LRP1B: variants seen among roughly 807,000 people sequenced by gnomAD.
LRP1B encodes the protein LDL receptor related protein 1B.
In LRP1B, 217 loss-of-function variants were observed where a neutral mutation model predicts 556.6. That is an observed-to-expected ratio of 0.39 (90% CI 0.35 to 0.44). The LOEUF (loss-of-function observed/expected upper bound fraction) is 0.44. Among genes scored for constraint, LRP1B ranks in the 20% least tolerant of loss-of-function variants. The pLI is 1.00. For missense variants in LRP1B, 5,053 were observed against 5,620.8 expected (o/e 0.90, Z 3.23); for synonymous variants, 2,047 against 1,865.8 (o/e 1.10, Z -2.50).
At chr2:141,698,888 T>C (rs1447298188) in intron 2 of LRP1B, among the ~76,000 whole-genome samples, 1 of 151,868 alleles carries the variant, frequency 6.6e-6, no homozygotes, top group Non-Finnish European at 1.5e-5. Context: ...CTGGGCTCAA[T>C]ATGTTGTAGT....
chr2:141,645,705 A>G (rs556396421), intron 2 of LRP1B, among the ~76,000 whole-genome samples: 1 of 152,030 alleles, frequency 6.6e-6, no homozygotes, highest in South Asian at 2.1e-4. Context: ...GGTTTCATAG[A>G]TAAGTCCTTA....
At chr2:141,077,873 C>A (rs1327735778) in intron 7 of LRP1B, among the ~76,000 whole-genome samples, 1 of 151,856 alleles carries the variant, frequency 6.6e-6, no homozygotes, top group Non-Finnish European at 1.5e-5. Flanking sequence ...ATCCAAAATT[C>A]TTTTGGAGAC....
At chr2:141,663,588 GA>G (rs1454215589) in intron 2 of LRP1B, among the ~76,000 whole-genome samples, 10 of 152,178 alleles carry the variant, frequency 6.6e-5, no homozygotes, top group South Asian at 4.1e-4. Flanking sequence ...AGAAAATCTA[GA>G]AGAAATGGAT....
At chr2:141,119,840 G>A (rs900179417) in intron 7 of LRP1B, among the ~76,000 whole-genome samples, 1 of 151,602 alleles carries the variant, frequency 6.6e-6, no homozygotes, top group Admixed American at 6.6e-5. Flanking sequence ...GATGTGTAAG[G>A]CACAGACTTG....
chr2:140,252,457 G>T (rs924820284), intron 86 of LRP1B, among the ~76,000 whole-genome samples: 16 of 151,866 alleles, frequency 1.1e-4, no homozygotes, highest in African/African-American at 3.6e-4. Context: ...AAACGAGGAC[G>T]CACATGTTCA....
chr2:140,289,815 A>G (rs1683303368), intron 84 of LRP1B, among the ~76,000 whole-genome samples: 2 of 151,940 alleles, frequency 1.3e-5, no homozygotes, highest in East Asian at 3.9e-4. Context: ...ATATGTATCT[A>G]TTCCCTTCAC....
chr2:140,822,735 C>T (rs916021600), intron 31 of LRP1B, among the ~76,000 whole-genome samples: 4 of 152,156 alleles, frequency 2.6e-5, no homozygotes, highest in African/African-American at 9.7e-5. Context: ...AAAGTATCAG[C>T]TTTATTCCAT....
chr2:142,081,838 C>T (rs545143118), intron 1 of LRP1B, among the ~76,000 whole-genome samples: 1 of 152,232 alleles, frequency 6.6e-6, no homozygotes, highest in Admixed American at 6.5e-5. Flanking sequence ...GTTTTTGAAA[C>T]TCTCAACCCA....
intron 1 of LRP1B, among the ~76,000 whole-genome samples, chr2:141,830,687 GA>G (rs781675923): frequency 6.6e-6 from 1 of 150,870 alleles, no homozygotes; most frequent in African/African-American, 2.4e-5. Context: ...TTTAAATAAG[GA>G]AAAAAAATGT....
rs554973592 is a variant in LRP1B, at chr2:140,610,686, C to T, written c.6800-9047G>A. On this transcript the variant is annotated intron_variant, in intron 41 of 90. Transcript: ENST00000389484. ...CTGCAAGCTCCACCTCCGGGGTGCA[C>T]GCCATTCTCCTGCCTCAGCCTCCTG... is the stretch of plus-strand genomic sequence containing the variant. Among the ~76,000 whole-genome samples, 6 of 152,270 alleles carry T rather than the reference C, an allele frequency of 3.9e-5. No homozygotes were observed. In the South Asian group the frequency reaches 6.2e-4, roughly 16 times the overall value.
Position 140,703,946 on chromosome 2 carries a change from A to G in LRP1B, c.6024-1393T>C, listed in dbSNP as rs1420606601. ...TTTATGTTACGTTTTTGCAATTGTG[A>G]AAAGCAGGGTGATGGACATATGAGT... On this transcript the variant is annotated intron_variant, in intron 37 of 90. Transcript: ENST00000389484. Among the ~76,000 whole-genome samples, 3 of 152,176 alleles carry G rather than the reference A, an allele frequency of 2.0e-5. No individual in the cohort carries two copies. The East Asian group carries it at 5.8e-4, about 29-fold the overall frequency.
Position 140,274,478 on chromosome 2 carries a change from C to T in LRP1B, c.13088G>A (p.Arg4363Lys), listed in dbSNP as rs1259044381. 6.2e-7 allele frequency: 1 copy of T among 1,612,748 alleles called. No homozygotes were observed. Among genetic ancestry groups the T allele is most frequent in the Non-Finnish European group, 8.5e-7 (1 of 1,179,160 alleles). The change falls in exon 85 of 91, where the codon AGG becomes AAG. Residue 4363 changes from arginine to lysine, a missense_variant. By Grantham distance (26) the Arg-to-Lys change is conservative. This residue lies in a region of LRP1B where 551 missense variants were observed against 592.0 expected (regional missense o/e 0.93). Transcript: ENST00000389484. ...TATAATGCAGTGCCCCCCATGGCAC[C>T]TTACACACTTGTCAACCTCACATTT... The part of the protein sequence containing the change: ...GPKCEVDKCV[R>K]CHGGHCIINK...
At chr2:140,981,690 G>A (rs900314697) in intron 18 of LRP1B, among the ~76,000 whole-genome samples, 2 of 151,978 alleles carry the variant, frequency 1.3e-5, no homozygotes, top group African/African-American at 4.8e-5. Context: ...ACGACTCTAC[G>A]GAAATGAAAA....
chr2:140,438,747 A>C (rs1276889375), intron 66 of LRP1B, among the ~76,000 whole-genome samples: 1 of 152,220 alleles, frequency 6.6e-6, no homozygotes, highest in African/African-American at 2.4e-5. Context: ...ATTGTACAAA[A>C]GCAGCAAATG....
intron 3 of LRP1B, among the ~76,000 whole-genome samples, chr2:141,381,152 C>T (rs1221202621): frequency 2.0e-5 from 3 of 151,916 alleles, no homozygotes; most frequent in Non-Finnish European, 4.4e-5. Context: ...TAAAAATGCT[C>T]GCTGAGTTCA....
At chr2:140,634,075 G>A (rs918120849) in intron 41 of LRP1B, among the ~76,000 whole-genome samples, 5 of 152,064 alleles carry the variant, frequency 3.3e-5, no homozygotes, top group African/African-American at 1.2e-4. Flanking sequence ...ATCAAATGTA[G>A]CAGTGCATGA....
chr2:141,432,160 T>C (rs941440639), intron 3 of LRP1B, among the ~76,000 whole-genome samples: 6 of 152,116 alleles, frequency 3.9e-5, no homozygotes, highest in Non-Finnish European at 5.9e-5. Flanking sequence ...GGAATTTTCA[T>C]AAGGAAAGGG....
chr2:141,225,539 GC>G lies in LRP1B; in HGVS notation c.850+3643del, dbSNP rs142745092. 9.5e-3 allele frequency among the ~76,000 whole-genome samples: 1,441 copies of G among 152,220 alleles called. 8 individuals carry two copies. The highest frequency in any genetic ancestry group is 0.012 in the Non-Finnish European group (834 of 68,006). On this transcript the variant is annotated intron_variant, in intron 6 of 90. Transcript: ENST00000389484. ...GAAAAATTTTGGGAAACAATCAGCT[GC>G]TACAAATGTGCTTTGTATGAATACT... is the stretch of plus-strand genomic sequence containing the variant.
intron 1 of LRP1B, among the ~76,000 whole-genome samples, chr2:142,055,811 G>A (rs1050450532): frequency 6.6e-6 from 1 of 152,268 alleles, no homozygotes; most frequent in South Asian, 2.1e-4. Flanking sequence ...CTAAAAATTT[G>A]TATATGAGTG....
Sources: gnomAD v4.1 joint callset for allele counts (sites outside exome capture counted in the v4.1 genomes callset) on GRCh38, gnomAD v4.1.1 for gene constraint, gnomAD v4.1.1 regional missense constraint, MANE v1.5 for transcripts, NCBI Gene and HGNC (gene_info 2026-07-23, HGNC 2026-07-21) for gene names.